The following AGTPBP1 variants were observed in gnomAD, a reference collection of about 807,000 sequenced individuals.
The protein encoded by AGTPBP1 is cytosolic carboxypeptidase 1.
A neutral mutation model predicts 143.9 loss-of-function variants in AGTPBP1; 70 were observed. The ratio of observed to expected loss-of-function variants is 0.49; its 90% CI spans 0.40 to 0.59. The LOEUF (loss-of-function observed/expected upper bound fraction) is 0.59. AGTPBP1 is among the 20% of genes least tolerant of loss of function. The pLI is 0.00. For synonymous variants in AGTPBP1, 463 were observed against 500.2 expected (o/e 0.93, Z 0.99); for missense variants, 1,229 against 1,464.5 (o/e 0.84, Z 2.62).
At chr9:85,640,797 T>A (rs1228786791) in intron 13 of AGTPBP1, among the ~76,000 whole-genome samples, 1 of 152,224 alleles carries the variant, frequency 6.6e-6, no homozygotes, top group East Asian at 1.9e-4. Flanking sequence ...AGTCCTGGAC[T>A]TAATACCTAT....
chr9:85,726,011 A>G (rs1838454819), intron 1 of AGTPBP1, among the ~76,000 whole-genome samples: 1 of 144,512 alleles, frequency 6.9e-6, no homozygotes, highest in Admixed American at 7.2e-5. Context: ...AGCCAAGATC[A>G]TGCTACTTGC....
At chr9:85,568,782 G>C (rs1035576942) in intron 25 of AGTPBP1, among the ~76,000 whole-genome samples, 5 of 152,138 alleles carry the variant, frequency 3.3e-5, no homozygotes, top group Non-Finnish European at 5.9e-5. Context: ...GTGATGGATT[G>C]GGTTAAGGGT....
intron 25 of AGTPBP1, among the ~76,000 whole-genome samples, chr9:85,573,002 T>G (rs1008499699): frequency 1.5e-4 from 23 of 152,134 alleles, no homozygotes; most frequent in Admixed American, 6.5e-5. Flanking sequence ...GAGACTATTG[T>G]TACCCATATA....
intron 13 of AGTPBP1, among the ~76,000 whole-genome samples, 167 bp from the exon 14 acceptor site, chr9:85,633,541 A>C (rs1033125176): frequency 1.3e-5 from 2 of 152,230 alleles, no homozygotes; most frequent in African/African-American, 4.8e-5. Flanking sequence ...TTTTAACCAC[A>C]ACAAAATTCA....
In AGTPBP1 at chr9:85,608,321, C is replaced by T. The variant is rs1830106105; in HGVS notation, c.2335+10662G>A. Among the ~76,000 whole-genome samples, 3 of 151,906 alleles carry T rather than the reference C, an allele frequency of 2.0e-5. No homozygotes were observed. The South Asian group carries it at 6.2e-4, about 31-fold the overall frequency. On this transcript the variant is annotated intron_variant, in intron 17 of 25. Transcript: ENST00000357081. ...ATCAACCTCCTACATAAGGCAGAAACTACAGAAGATATAAGCAGAAATCGA... is the reference window on the plus strand; with the variant it reads ...ATCAACCTCCTACATAAGGCAGAAATTACAGAAGATATAAGCAGAAATCGA...
In AGTPBP1 at chr9:85,737,283, T is replaced by G. The variant is rs938555003; in HGVS notation, c.-34+4492A>C. ...GATGGCTGTCTCAAAGTAAAGTGCT[T>G]CTGTAACTGAATTGACAGCTTGAAC... On this transcript the variant is annotated intron_variant, in intron 1 of 25. Coordinates refer to ENST00000357081, the MANE Select transcript of AGTPBP1 (RefSeq NM_001330701.2). Among the ~76,000 whole-genome samples the G allele has an allele frequency of 2.0e-5, 3 of 152,204 alleles. No individual in the cohort carries two copies. The South Asian group carries it at 6.2e-4, about 32-fold the overall frequency.
Position 85,646,397 on chromosome 9 carries a change from C to T in AGTPBP1, c.1109G>A (p.Ser370Asn), listed in dbSNP as rs745461783. The change falls in exon 12 of 26, where the codon AGT (serine) becomes AAT (asparagine). Residue 370 changes from serine (S) to asparagine (N), a missense_variant. By Grantham distance (46) the Ser-to-Asn change is conservative. Around this residue, in one of 2 missense-constraint regions of AGTPBP1, gnomAD observed 743 missense variants for 812.2 expected, o/e 0.91. Coordinates refer to ENST00000357081, the MANE Select transcript of AGTPBP1 (RefSeq NM_001330701.2). ...PPEVDDVVDE[S>N]DDNDDIDVEA... Reference sequence around the variant, plus strand: ...TACATCAATATCATCGTTGTCATCACTTTCATCTACTACGTCATCCACTAT... The same window carrying T: ...TACATCAATATCATCGTTGTCATCATTTTCATCTACTACGTCATCCACTAT... 1 of 1,612,910 alleles carries T rather than the reference C, an allele frequency of 6.2e-7. No individual in the cohort carries two copies. Among genetic ancestry groups the T allele is most frequent in the South Asian group, 1.1e-5 (1 of 91,064 alleles).
chr9:85,639,367 G>GCGCACACACACACACACA (rs1554713133), intron 13 of AGTPBP1, among the ~76,000 whole-genome samples: 2 of 147,232 alleles, frequency 1.4e-5, no homozygotes, highest in African/African-American at 4.9e-5. Context: ...GCGCGCACGC[G>GCGCACACACACACACACA]CACACACACA....
intron 1 of AGTPBP1, among the ~76,000 whole-genome samples, chr9:85,715,249 AAAAAAAAG>A (rs951498233): frequency 1.3e-5 from 2 of 151,854 alleles, no homozygotes; most frequent in African/African-American, 2.4e-5. Context: ...CTGTCTCAAA[AAAAAAAAG>A]AAAAAAAGAA....
At chr9:85,781,742 T>C in the AGTPBP1 span, among the ~76,000 whole-genome samples, 464 of 152,328 alleles carry the variant, frequency 3.0e-3, 1 homozygote, top group African/African-American at 8.4e-3. Context: ...TATGTATTTT[T>C]AAGATAAATC....
intron 1 of AGTPBP1, among the ~76,000 whole-genome samples, chr9:85,738,049 ATT>A (rs1173793978): frequency 6.6e-6 from 1 of 152,090 alleles, no homozygotes; most frequent in Admixed American, 6.5e-5. Flanking sequence ...TCACTACCTT[ATT>A]TTTTGTTTTA....
At chr9:85,741,382 C>G (rs1391740309) in intron 1 of AGTPBP1, 2 of 985,212 alleles carry the variant, frequency 2.0e-6, no homozygotes, top group Non-Finnish European at 2.4e-6. Context: ...GCGCCCGCCC[C>G]CGGCCCTGCA....
intron 2 of AGTPBP1, among the ~76,000 whole-genome samples, chr9:85,709,270 C>T (rs1472631620): frequency 6.6e-6 from 1 of 152,136 alleles, no homozygotes; most frequent in Non-Finnish European, 1.5e-5. Flanking sequence ...CAAAATCAGA[C>T]ATTCATACTG....
chr9:85,793,027 C>T, the AGTPBP1 span, among the ~76,000 whole-genome samples: 2 of 152,050 alleles, frequency 1.3e-5, no homozygotes, highest in African/African-American at 2.4e-5. Flanking sequence ...TAAGAGTATT[C>T]TCTGGGAAGA....
chr9:85,591,179 G>A (rs531149683), intron 19 of AGTPBP1, among the ~76,000 whole-genome samples: 1 of 139,516 alleles, frequency 7.2e-6, no homozygotes, highest in East Asian at 2.5e-4. Flanking sequence ...ATGTGGATAT[G>A]GCAAAAAAAA....
At chr9:85,601,166 C>A (rs1056047375) in intron 17 of AGTPBP1, among the ~76,000 whole-genome samples, 2 of 152,216 alleles carry the variant, frequency 1.3e-5, no homozygotes, top group African/African-American at 2.4e-5. Flanking sequence ...GCTGCTGCCA[C>A]TGATAGCTGC....
intron 2 of AGTPBP1, among the ~76,000 whole-genome samples, chr9:85,701,971 C>T (rs1359712): frequency 0.76 from 115,108 of 152,126 alleles, 44,703 homozygotes; most frequent in African/African-American, 0.94. Context: ...TCTTTGTTGT[C>T]AGAAGCAGCC....
intron 8 of AGTPBP1, among the ~76,000 whole-genome samples, 197 bp from the exon 9 acceptor site, chr9:85,661,170 T>G (rs953284125): frequency 6.6e-6 from 1 of 152,006 alleles, no homozygotes; most frequent in Non-Finnish European, 1.5e-5. Flanking sequence ...TGAAAAAGAT[T>G]GAAATATCAA....
At chr9:85,710,466 C>G (rs1368306666) in intron 2 of AGTPBP1, among the ~76,000 whole-genome samples, 1 of 151,990 alleles carries the variant, frequency 6.6e-6, no homozygotes, top group Non-Finnish European at 1.5e-5. Context: ...TTTCTCCCCC[C>G]TTTTCAGACC....
Sources: gnomAD v4.1 joint callset for allele counts (sites outside exome capture counted in the v4.1 genomes callset) on GRCh38, gnomAD v4.1.1 for gene constraint, gnomAD v4.1.1 regional missense constraint, MANE v1.5 for transcripts, NCBI Gene and HGNC (gene_info 2026-07-23, HGNC 2026-07-21) for gene names.